BTD: variants seen among roughly 807,000 people sequenced by gnomAD.
The protein encoded by BTD is biocytinase.
BTD carries 13 observed loss-of-function variants against 17.7 expected under a neutral mutation model. The observed-to-expected ratio is 0.74, with a 90% CI of 0.48 to 1.17. The LOEUF is 1.17. Ranked by LOEUF, BTD falls within the 50% of genes most tolerant of loss-of-function variation. The probability of loss-of-function intolerance (pLI) is 0.00; values close to 1 mark genes in which losing one functional copy is unlikely to be tolerated. For synonymous variants in BTD, 240 were observed against 245.2 expected (o/e 0.98, Z 0.20); for missense variants, 674 against 650.4 (o/e 1.04, Z -0.39).
At chr3:15,644,126 G>A (rs1238608502) in intron 3 of BTD, among the ~76,000 whole-genome samples, 190 bp from the exon 4 acceptor site, 10 of 151,622 alleles carry the variant, frequency 6.6e-5, no homozygotes, top group African/African-American at 1.9e-4. Flanking sequence ...TCAGCCTCCC[G>A]AGTAGCTGGG....
chr3:15,707,837 A>G, intron 3 of BTD: 3 of 1,477,250 alleles, frequency 2.0e-6, no homozygotes, highest in Non-Finnish European at 2.8e-6. Flanking sequence ...ACAAAGAGGA[A>G]ACACAAATTT....
intron 1 of BTD, among the ~76,000 whole-genome samples, chr3:15,607,843 A>G (rs563458523): frequency 1.3e-5 from 2 of 152,362 alleles, no homozygotes; most frequent in African/African-American, 4.8e-5. Flanking sequence ...AAAACTGTAC[A>G]GCCGGAAATG....
chr3:15,677,576 G>A, intron 3 of BTD: 2 of 1,580,554 alleles, frequency 1.3e-6, no homozygotes, highest in Non-Finnish European at 8.7e-7. Flanking sequence ...GGAGGAAAAA[G>A]TGCATCAATT....
At chr3:15,665,693 G>T (rs9881456) in intron 3 of BTD, among the ~76,000 whole-genome samples, 6,278 of 152,252 alleles carry the variant, frequency 0.041, 424 homozygotes, top group African/African-American at 0.14. Context: ...CCCATCCCAC[G>T]GAGGTAGGGC....
chr3:15,638,137 G>A (rs572289362), intron 2 of BTD, among the ~76,000 whole-genome samples: 1 of 152,188 alleles, frequency 6.6e-6, no homozygotes, highest in Admixed American at 6.5e-5. Context: ...TCAAAGAATC[G>A]AGAATTGCAT....
At chr3:15,632,558 A>C (rs2065238912) in intron 1 of BTD, 1 of 152,194 alleles carries the variant, frequency 6.6e-6, no homozygotes, top group Admixed American at 6.5e-5. Context: ...CCACCTTGTC[A>C]CACCTCTAGT....
chr3:15,623,459 G>T (rs2064999104), intron 1 of BTD, among the ~76,000 whole-genome samples: 1 of 152,036 alleles, frequency 6.6e-6, no homozygotes, highest in South Asian at 2.1e-4. Flanking sequence ...TCTACTTGCT[G>T]CCTTTGTTCG....
rs570131414 is a variant in BTD at position 15,632,199 on chromosome 3, C to T, written c.-16-3225C>T. 2.8e-3 allele frequency among the ~76,000 whole-genome samples: 427 copies of T among 152,312 alleles called. 1 individual carries two copies. Among genetic ancestry groups the T allele is most frequent in the Non-Finnish European group, 4.7e-3 (321 of 68,028 alleles). On this transcript the variant is annotated intron_variant, in intron 1 of 3. Transcript: ENST00000643237. Reference sequence around the variant, plus strand: ...CCACACTGCTTAAAATTGTCCCCCTCGCCTCACCTTACCACCTTCACTGCC... The same window carrying T: ...CCACACTGCTTAAAATTGTCCCCCTTGCCTCACCTTACCACCTTCACTGCC...
rs541704511 is a variant in BTD, at chr3:15,686,358, T to C, written c.400-23702T>C. 1.5e-4 allele frequency: 214 copies of C among 1,392,302 alleles called. 4 individuals carry two copies. In the South Asian group the frequency reaches 2.5e-3, roughly 16 times the overall value. 86.2% of individuals were successfully genotyped at this position (1,392,302 alleles called of 1,614,324 possible). A position where few individuals can be genotyped will look rare whatever the true frequency, so the allele number is the denominator to read the frequency against. ...TCAGTAATTACATATAATGATAAAA[T>C]AGAAAATGTCCATCTAAAAGCACAT... On this transcript the variant is annotated intron_variant, in intron 3 of 3. Coordinates refer to the BTD transcript ENST00000672141.
intron 1 of BTD, among the ~76,000 whole-genome samples, chr3:15,609,716 T>G (rs1376141586): frequency 6.6e-6 from 1 of 152,192 alleles, no homozygotes; most frequent in African/African-American, 2.4e-5. Flanking sequence ...GAATTACGTG[T>G]TTACATCTGT....
intron 3 of BTD, chr3:15,668,621 T>G (rs2066102684): frequency 6.6e-6 from 1 of 152,588 alleles, no homozygotes; most frequent in African/African-American, 2.4e-5. Flanking sequence ...AACTCACATC[T>G]GTGTTTTATT....
chr3:15,673,701 C>T (rs983103200), intron 3 of BTD, among the ~76,000 whole-genome samples: 13 of 151,912 alleles, frequency 8.6e-5, no homozygotes, highest in Non-Finnish European at 1.6e-4. Context: ...AAACAGGTGA[C>T]GAATTTAGTC....
intron 3 of BTD, chr3:15,679,163 T>G: frequency 1.4e-6 from 1 of 726,460 alleles, no homozygotes. Flanking sequence ...GAGATGCAGG[T>G]CTTGCTATGT....
Position 15,645,234 on chromosome 3 carries a change from C to A in BTD, c.1318C>A (p.Leu440Met). ...HGTYYIQVCA[L>M]VRCGGLGFDT... ...CACTTACTACATCCAAGTGTGTGCC[C>A]TGGTCAGGTGTGGGGGTCTTGGCTT... Residue 440 changes from leucine (L) to methionine (M), a missense_variant, in exon 4 of 4, where the codon CTG becomes ATG. Coordinates refer to ENST00000643237, the MANE Select transcript of BTD (RefSeq NM_001370658.1). The A allele has an allele frequency of 1.2e-6, 2 of 1,614,168 alleles. No homozygotes were observed. Among genetic ancestry groups the A allele is most frequent in the Non-Finnish European group, 1.7e-6 (2 of 1,180,012 alleles).
intron 3 of BTD, among the ~76,000 whole-genome samples, chr3:15,674,704 C>T (rs2066756066): frequency 6.6e-6 from 1 of 151,888 alleles, no homozygotes; most frequent in African/African-American, 2.4e-5. Flanking sequence ...AGAATTGAGT[C>T]CTAGAAGAAG....
chr3:15,654,631 T>C (rs1226026290), downstream of BTD, among the ~76,000 whole-genome samples: 1 of 152,186 alleles, frequency 6.6e-6, no homozygotes, highest in East Asian at 1.9e-4. Context: ...TCTCACTCTG[T>C]GGCAATCTTG....
intron 3 of BTD, among the ~76,000 whole-genome samples, chr3:15,683,558 G>C (rs1417675774): frequency 1.3e-5 from 2 of 152,162 alleles, no homozygotes; most frequent in Admixed American, 1.3e-4. Flanking sequence ...AAACTAGCTT[G>C]TTCAATGAGC....
intron 3 of BTD, among the ~76,000 whole-genome samples, chr3:15,701,337 C>T (rs1405510632): frequency 6.6e-6 from 1 of 152,034 alleles, no homozygotes; most frequent in Non-Finnish European, 1.5e-5. Context: ...TCTTTGGAGT[C>T]AAGCATAATA....
chr3:15,714,288 T>C (rs1239342011), downstream of BTD, among the ~76,000 whole-genome samples: 2 of 151,974 alleles, frequency 1.3e-5, no homozygotes, highest in Non-Finnish European at 2.9e-5. Context: ...TAATACAAAT[T>C]ATGGTAGAAA....
Sources: allele counts gnomAD v4.1 joint callset (sites outside exome capture counted in the v4.1 genomes callset), GRCh38; gene constraint gnomAD v4.1.1; transcripts MANE v1.5; gene names NCBI Gene and HGNC (gene_info 2026-07-23, HGNC 2026-07-21).